The following TVP23A variants were observed in gnomAD, a reference collection of about 807,000 sequenced individuals.
TVP23A encodes Golgi apparatus membrane protein TVP23 homolog A.
Under a neutral mutation model 31.7 loss-of-function variants are expected in TVP23A, and 21 were observed. The observed-to-expected ratio is 0.66, with a 90% CI of 0.47 to 0.95. The LOEUF is 0.95. Among genes scored for constraint, TVP23A ranks in the 40% least tolerant of loss-of-function variants. The probability of loss-of-function intolerance (pLI) is 0.00; values close to 1 mark genes in which losing one functional copy is unlikely to be tolerated. For missense variants in TVP23A, 279 were observed against 255.6 expected, an observed-to-expected ratio of 1.09 and a Z score of -0.62; for synonymous variants, 104 against 96.0, an observed-to-expected ratio of 1.08 and a Z score of -0.49.
chr16:10,774,849 A>T, intron 3 of TVP23A, 103 bp downstream of exon 3: 1 of 954,162 alleles, frequency 1.0e-6, no homozygotes, highest in Non-Finnish European at 1.6e-6. Flanking sequence ...CAGCACTCTT[A>T]AGCATGTCTC....
At chr16:10,770,868 CAAAAAAAAAAAAAAAAA>C (rs376701429) in intron 6 of TVP23A, among the ~76,000 whole-genome samples, 28 of 66,466 alleles carry the variant, frequency 4.2e-4, no homozygotes, top group African/African-American at 8.4e-4. Context: ...ACTCCCATCT[CAAAAAAAAAAAAAAAAA>C]AAAAAAAAAA....
At chr16:10,788,813 G>C (rs1367690075) in intron 2 of TVP23A, among the ~76,000 whole-genome samples, 3 of 152,134 alleles carry the variant, frequency 2.0e-5, no homozygotes, top group Non-Finnish European at 2.9e-5. Flanking sequence ...AGTAGGAGTG[G>C]GCTTAACAAG....
rs978146430 is a variant in TVP23A at position 10,818,571 on chromosome 16, G to T, written c.-78C>A. On this transcript the variant is annotated 5_prime_UTR_variant, in exon 1 of 8. Transcript: ENST00000299866. This position sits in a 1 kb window ranked among gnomAD's most constrained non-coding sequence, Gnocchi z 4.7. ...GTCGCCGCTGAAGGGGTCGGACGCC[G>T]GGCGGGCGGATGTAGGCAGCAGACG... 1.0e-5 allele frequency: 16 copies of T among 1,539,468 alleles called. No homozygotes were observed. The East Asian group carries it at 3.4e-4, about 33-fold the overall frequency.
At chr16:10,771,594 C>A (rs895524512) in intron 6 of TVP23A, 76 bp downstream of exon 6, 3 of 1,575,816 alleles carry the variant, frequency 1.9e-6, no homozygotes, top group East Asian at 4.5e-5. Flanking sequence ...CATTACAAAC[C>A]GCAGTTGCCA....
chr16:10,815,759 G>T (rs2034409356), intron 2 of TVP23A, among the ~76,000 whole-genome samples: 1 of 152,122 alleles, frequency 6.6e-6, no homozygotes, highest in African/African-American at 2.4e-5. Flanking sequence ...CACTAGCCCA[G>T]AGTTGAGCAT....
intron 2 of TVP23A, chr16:10,800,387 A>G (rs1567307062): frequency 6.6e-6 from 1 of 152,004 alleles, no homozygotes. Flanking sequence ...TTTATTTTTG[A>G]CCATTTTAAT....
intron 2 of TVP23A, among the ~76,000 whole-genome samples, chr16:10,797,237 T>C (rs913597659): frequency 4.6e-5 from 7 of 152,132 alleles, no homozygotes; most frequent in East Asian, 1.9e-4. Context: ...AGTTTTATTT[T>C]TAAAAATGAA....
chr16:10,818,582 T>C lies in TVP23A; in HGVS notation c.-89A>G. The C allele has an allele frequency of 6.6e-7, 1 of 1,504,540 alleles. No homozygotes were observed. Among genetic ancestry groups the C allele is most frequent in the Non-Finnish European group, 8.9e-7 (1 of 1,125,236 alleles). The allele number at this position is 1,504,540 out of a possible 1,614,324, so 93.2% of individuals were successfully genotyped here. A position where few individuals can be genotyped will look rare whatever the true frequency, so the allele number is the denominator to read the frequency against. On this transcript the variant is annotated 5_prime_UTR_variant, in exon 1 of 8. Transcript: ENST00000299866. This position sits in a 1 kb window ranked among gnomAD's most constrained non-coding sequence, Gnocchi z 4.7. The stretch of plus-strand genomic sequence containing the variant: ...AGGGGTCGGACGCCGGGCGGGCGGA[T>C]GTAGGCAGCAGACGGTGGACGCTGA...
downstream of TVP23A, chr16:10,758,024 C>T: frequency 1.9e-6 from 3 of 1,612,418 alleles, no homozygotes; most frequent in Non-Finnish European, 2.5e-6. Context: ...TCACCACTCC[C>T]CAGGTGAGCG....
chr16:10,772,911 C>A (rs1278358694), intron 5 of TVP23A, among the ~76,000 whole-genome samples: 1 of 152,142 alleles, frequency 6.6e-6, no homozygotes, highest in East Asian at 1.9e-4. Context: ...GAGACAAGGT[C>A]TCACTCTAGC....
At chr16:10,775,360 T>G (rs1596501480) in intron 2 of TVP23A, 1 of 1,268,590 alleles carries the variant, frequency 7.9e-7, no homozygotes, top group African/African-American at 1.5e-5. Context: ...CAAATATCAC[T>G]TGCCCTCTTC....
intron 2 of TVP23A, among the ~76,000 whole-genome samples, chr16:10,788,259 G>C (rs891227954): frequency 8.0e-5 from 12 of 150,128 alleles, no homozygotes; most frequent in Non-Finnish European, 1.8e-4. Flanking sequence ...TAAGATGAGG[G>C]GTTGTGAGCA....
intron 2 of TVP23A, among the ~76,000 whole-genome samples, chr16:10,788,272 GT>G (rs57091036): frequency 0.11 from 16,111 of 148,148 alleles, 2,571 homozygotes; most frequent in African/African-American, 0.35. Flanking sequence ...TGTGAGCAAG[GT>G]TTTTTTTTTG....
At chr16:10,815,186 A>T (rs1272552695) in intron 2 of TVP23A, among the ~76,000 whole-genome samples, 1 of 147,460 alleles carries the variant, frequency 6.8e-6, no homozygotes, top group Non-Finnish European at 1.5e-5. Flanking sequence ...GGCTGAGATC[A>T]GGAGTTTGAG....
At chr16:10,798,720 A>G (rs1295678762) in intron 2 of TVP23A, among the ~76,000 whole-genome samples, 2 of 151,850 alleles carry the variant, frequency 1.3e-5, no homozygotes, top group Admixed American at 6.6e-5. Context: ...CTGGAGTGCA[A>G]TGGTGCGATC....
At chr16:10,780,358 A>C (rs1201964877) in intron 2 of TVP23A, among the ~76,000 whole-genome samples, 3 of 151,962 alleles carry the variant, frequency 2.0e-5, no homozygotes, top group African/African-American at 7.2e-5. Flanking sequence ...CAATAAACTT[A>C]TTTCATCCTA....
chr16:10,816,944 C>CACAT (rs1367816610), intron 2 of TVP23A, among the ~76,000 whole-genome samples: 1 of 151,734 alleles, frequency 6.6e-6, no homozygotes, highest in Non-Finnish European at 1.5e-5. Flanking sequence ...CACACACACA[C>CACAT]ACACACACAC....
chr16:10,785,094 CT>C (rs2032666827), intron 2 of TVP23A, among the ~76,000 whole-genome samples: 1 of 120,504 alleles, frequency 8.3e-6, no homozygotes, highest in Non-Finnish European at 1.7e-5. Context: ...GAGACTCCGT[CT>C]CAAAAAAAAA....
intron 2 of TVP23A, among the ~76,000 whole-genome samples, chr16:10,786,948 A>T (rs1030075615): frequency 6.6e-6 from 1 of 151,442 alleles, no homozygotes; most frequent in Non-Finnish European, 1.5e-5. Flanking sequence ...AAAAAAAAAA[A>T]TTTAGACCTA....
Sources: gnomAD v4.1 joint callset for allele counts (sites outside exome capture counted in the v4.1 genomes callset) on GRCh38, gnomAD v4.1.1 for gene constraint, Gnocchi (gnomAD v3.1) non-coding constraint, MANE v1.5 for transcripts, NCBI Gene and HGNC (gene_info 2026-07-23, HGNC 2026-07-21) for gene names.